AMOTL1: variants seen among roughly 807,000 people sequenced by gnomAD.
AMOTL1 encodes the protein angiomotin-like protein 1.
Under a neutral mutation model 102.9 loss-of-function variants are expected in AMOTL1, and 45 were observed. The ratio of observed to expected loss-of-function variants is 0.44; its 90% confidence interval spans 0.34 to 0.56. The LOEUF (loss-of-function observed/expected upper bound fraction) is 0.56, where lower values mean the gene tolerates loss of function less well. Ranked by LOEUF, AMOTL1 falls within the 20% of genes least tolerant of loss-of-function variation. The pLI is 0.01. For synonymous variants in AMOTL1, 481 were observed against 484.7 expected (o/e 0.99, Z 0.10); for missense variants, 1,114 against 1,225.6 (o/e 0.91, Z 1.36).
intron 1 of AMOTL1, among the ~76,000 whole-genome samples, chr11:94,778,865 A>G (rs1951065443): frequency 1.3e-5 from 2 of 152,212 alleles, no homozygotes; most frequent in African/African-American, 4.8e-5. Context: ...GCCTTTCCAC[A>G]TGGCTTGGCT....
In AMOTL1 at chr11:94,768,415, C is replaced by G; in HGVS notation, c.-97C>G. On this transcript the variant is annotated 5_prime_UTR_variant, in exon 1 of 13. Coordinates refer to ENST00000433060, the MANE Select transcript of AMOTL1 (RefSeq NM_130847.3). ...GTCGGGTTTGGGGCTGGAGGTGAAG[C>G]CCTGTGTGAATGGGGTTGATTGTCC... is the stretch of plus-strand genomic sequence containing the variant. 6.5e-7 allele frequency: 1 copy of G among 1,535,086 alleles called. No individual in the cohort carries two copies. Among genetic ancestry groups the G allele is most frequent in the Non-Finnish European group, 8.8e-7 (1 of 1,142,848 alleles).
intron 3 of AMOTL1, among the ~76,000 whole-genome samples, chr11:94,806,678 GGTA>G (rs1951574255): frequency 6.6e-6 from 1 of 152,128 alleles, no homozygotes; most frequent in African/African-American, 2.4e-5. Context: ...CTGCAGCATG[GGTA>G]TTTCAAGAAG....
chr11:94,769,700 G>A (rs1950917137), intron 1 of AMOTL1, among the ~76,000 whole-genome samples: 1 of 152,034 alleles, frequency 6.6e-6, no homozygotes, highest in Admixed American at 6.5e-5. Flanking sequence ...TTCAGAGGTG[G>A]GCCCTGAGCG....
Position 94,869,240 on chromosome 11 carries a change from C to T in AMOTL1, c.2531C>T (p.Pro844Leu). 6.2e-7 allele frequency: 1 copy of T among 1,612,340 alleles called. No homozygotes were observed. Among genetic ancestry groups the T allele is most frequent in the Non-Finnish European group, 8.5e-7 (1 of 1,178,672 alleles). Reference protein sequence around the residue: ...GKEHHEHASAPLLPPPPTSAL... With the variant: ...GKEHHEHASALLLPPPPTSAL... ...GAGCACCATGAGCATGCCTCTGCCC[C>T]ACTGCTGCCACCCCCACCCACCTCA... The change falls in exon 12 of 13, where the codon CCA (proline) becomes CTA (leucine). Residue 844 changes from proline to leucine, a missense_variant. Pro to Leu is a moderately conservative substitution (Grantham distance 98). Coordinates refer to ENST00000433060, the MANE Select transcript of AMOTL1 (RefSeq NM_130847.3).
rs1279579096 is a variant in AMOTL1, at chr11:94,871,071, A to G, written c.*276A>G. On this transcript the variant is annotated 3_prime_UTR_variant, in exon 13 of 13. Coordinates refer to ENST00000433060, the MANE Select transcript of AMOTL1 (RefSeq NM_130847.3). ...TAAGAAATAGGAAACTGAATTTTTC[A>G]TTGTACAGAAAATGTATCTCTTGGG... 13 of 299,800 alleles carry G rather than the reference A, an allele frequency of 4.3e-5. No individual in the cohort carries two copies. The East Asian group carries it at 7.5e-4, about 17-fold the overall frequency. The allele number at this position is 299,800 out of a possible 1,614,324, so 18.6% of individuals were successfully genotyped here.
At chr11:94,756,229 TGGG>T (rs1440647253) in intron 3 of AMOTL1, among the ~76,000 whole-genome samples, 2 of 152,040 alleles carry the variant, frequency 1.3e-5, no homozygotes, top group East Asian at 3.9e-4. Context: ...GGGCACAGGA[TGGG>T]GGGCGTGGCA....
chr11:94,753,211 AG>A (rs956711854), intron 3 of AMOTL1, among the ~76,000 whole-genome samples: 116 of 151,920 alleles, frequency 7.6e-4, no homozygotes, highest in African/African-American at 2.6e-3. Context: ...GCGGGTGATT[AG>A]GATCAAAAGA....
intron 2 of AMOTL1, among the ~76,000 whole-genome samples, chr11:94,734,259 T>C (rs753031645): frequency 2.0e-5 from 3 of 152,220 alleles, no homozygotes; most frequent in East Asian, 1.9e-4. Flanking sequence ...TATGGTTAAT[T>C]ATTCTTCCTA....
chr11:94,783,646 A>G (rs1378262238), intron 1 of AMOTL1, among the ~76,000 whole-genome samples: 1 of 152,202 alleles, frequency 6.6e-6, no homozygotes, highest in African/African-American at 2.4e-5. Context: ...CTTTGAGATG[A>G]ATGTGGGCAC....
intron 7 of AMOTL1, among the ~76,000 whole-genome samples, chr11:94,853,197 T>C (rs1174820383): frequency 6.6e-6 from 1 of 152,144 alleles, no homozygotes; most frequent in Non-Finnish European, 1.5e-5. Flanking sequence ...ATTTGTTACA[T>C]AGGTCTACAT....
intron 1 of AMOTL1, among the ~76,000 whole-genome samples, chr11:94,784,610 C>G (rs562880922): frequency 2.0e-5 from 3 of 152,298 alleles, no homozygotes; most frequent in African/African-American, 7.2e-5. Flanking sequence ...AGAGTTTAAT[C>G]TCCTTTACTT....
chr11:94,723,718 G>T (rs1479717945), intron 1 of AMOTL1, among the ~76,000 whole-genome samples: 1 of 152,104 alleles, frequency 6.6e-6, no homozygotes, highest in Non-Finnish European at 1.5e-5. Flanking sequence ...CAGAGGAGGA[G>T]TCTATCCCTC....
chr11:94,777,506 C>T (rs1951042654), intron 1 of AMOTL1, among the ~76,000 whole-genome samples: 1 of 151,868 alleles, frequency 6.6e-6, no homozygotes, highest in Non-Finnish European at 1.5e-5. Flanking sequence ...AAAATAAATT[C>T]CAGGAGTTTG....
chr11:94,828,432 A>T (rs1359167123), intron 4 of AMOTL1, among the ~76,000 whole-genome samples: 1 of 152,032 alleles, frequency 6.6e-6, no homozygotes, highest in Non-Finnish European at 1.5e-5. Flanking sequence ...TTTTGTCTCT[A>T]TAAAAACTTG....
chr11:94,821,086 G>A (rs115522780), intron 3 of AMOTL1, among the ~76,000 whole-genome samples: 145 of 152,182 alleles, frequency 9.5e-4, no homozygotes, highest in African/African-American at 3.3e-3. Flanking sequence ...CACCCGCTCT[G>A]TCCAAACCAC....
rs1565394489 is a variant in AMOTL1 at position 94,875,799 on chromosome 11, A to AG, written c.*5010dup. On this transcript the variant is annotated 3_prime_UTR_variant, in exon 13 of 13. Transcript: ENST00000433060. ...AGAGCCTCTCAAAGTGTCCACTTCA[A>AG]GGGGGGATCATCCTCATTAGCACAC... 1 of 152,236 alleles carries AG rather than the reference A, an allele frequency of 6.6e-6. No individual in the cohort carries two copies. Among genetic ancestry groups the AG allele is most frequent in the South Asian group, 2.1e-4 (1 of 4,828 alleles). The allele number at this position is 152,236 out of a possible 1,614,324, so 9.4% of individuals were successfully genotyped here.
At chr11:94,758,430 G>A (rs1283428554) in intron 3 of AMOTL1, among the ~76,000 whole-genome samples, 1 of 152,210 alleles carries the variant, frequency 6.6e-6, no homozygotes, top group Non-Finnish European at 1.5e-5. Flanking sequence ...AAGTGCATCA[G>A]TGAAGAGATG....
rs1951430110 is a variant in AMOTL1, at chr11:94,799,544, G to A, written c.354G>A (p.Leu118=). The A allele has an allele frequency of 6.2e-7, 1 of 1,613,534 alleles. No individual in the cohort carries two copies. Among genetic ancestry groups the A allele is most frequent in the Non-Finnish European group, 8.5e-7 (1 of 1,179,806 alleles). ...RYGTPTENMN[L]LAIQHQATGS... ...GCACCCCAACCGAGAACATGAACTT[G>A]CTGGCCATTCAGCACCAGGCCACAG... The change falls in exon 3 of 13, where the codon TTG becomes TTA. Residue 118 remains leucine (L), a synonymous_variant. Transcript: ENST00000433060. This position sits in a 1 kb window ranked among gnomAD's most constrained non-coding sequence, Gnocchi z 4.5.
intron 1 of AMOTL1, among the ~76,000 whole-genome samples, chr11:94,711,693 C>T (rs1950024023): frequency 6.6e-6 from 1 of 152,060 alleles, no homozygotes; most frequent in African/African-American, 2.4e-5. Flanking sequence ...ATTATGTAAC[C>T]TTATGATATT....
Sources: gnomAD v4.1 joint callset for allele counts (sites outside exome capture counted in the v4.1 genomes callset) on GRCh38, gnomAD v4.1.1 for gene constraint, Gnocchi (gnomAD v3.1) non-coding constraint, MANE v1.5 for transcripts, NCBI Gene and HGNC (gene_info 2026-07-23, HGNC 2026-07-21) for gene names.